The following HS6ST2 variants were observed in gnomAD, a reference collection of about 807,000 sequenced individuals.
HS6ST2 encodes the protein heparan-sulfate 6-O-sulfotransferase 2.
HS6ST2 carries 17 observed loss-of-function variants against 33.0 expected under a neutral mutation model. The observed-to-expected ratio is 0.52, with a 90% CI of 0.35 to 0.77. HS6ST2 has a LOEUF of 0.77. HS6ST2 is among the 30% of genes least tolerant of loss of function. HS6ST2 has a pLI of 0.01. For synonymous variants in HS6ST2, 248 were observed against 237.1 expected (o/e 1.05, Z -0.42); for missense variants, 519 against 551.7 (o/e 0.94, Z 0.59).
chrX:132,914,595 G>T (rs1342784470), intron 2 of HS6ST2, among the ~76,000 whole-genome samples: 2 of 112,332 alleles, frequency 1.8e-5, no homozygotes, highest in Non-Finnish European at 3.8e-5. Context: ...TCTGTAGATG[G>T]AAACTTTCTA....
At position 132,679,752 on chromosome X, in the gene HS6ST2, TG is replaced by T. The variant is rs1338768098; in HGVS notation, c.981-10554del. Among the ~76,000 whole-genome samples, 25 of 105,236 alleles carry T rather than the reference TG, an allele frequency of 2.4e-4. No homozygotes were observed. In the South Asian group the frequency reaches 4.4e-3, roughly 19 times the overall value. The allele number at this position is 105,236 out of a possible 115,157, so 91.4% of individuals were successfully genotyped here. On this transcript the variant is annotated intron_variant, in intron 3 of 4. Transcript: ENST00000370833. ...CTCGACCATAGAAGACAACCACGCC[TG>T]GGGGGGGGCCAGTTCAGAGACCCAC...
chrX:132,864,761 C>A (rs1349895185), intron 2 of HS6ST2, among the ~76,000 whole-genome samples: 1 of 109,902 alleles, frequency 9.1e-6, no homozygotes, highest in Non-Finnish European at 1.9e-5. Context: ...CAGAGAACAC[C>A]ACAAAGATAC....
At chrX:132,776,104 G>A (rs2064955622) in intron 2 of HS6ST2, among the ~76,000 whole-genome samples, 1 of 111,882 alleles carries the variant, frequency 8.9e-6, no homozygotes, top group South Asian at 3.8e-4. Context: ...TGCAACAATT[G>A]TATGATCATG....
intron 3 of HS6ST2, among the ~76,000 whole-genome samples, chrX:132,686,127 C>T (rs1389266536): frequency 8.9e-6 from 1 of 112,142 alleles, no homozygotes; most frequent in East Asian, 2.8e-4. Flanking sequence ...TGGTCTTTCA[C>T]TGACTTCTTT....
intron 2 of HS6ST2, among the ~76,000 whole-genome samples, chrX:132,744,904 T>C (rs1180047526): frequency 1.8e-5 from 2 of 112,140 alleles, no homozygotes; most frequent in Non-Finnish European, 1.9e-5. Context: ...TATACTATTA[T>C]GAATGTACTT....
chrX:132,679,658 T>C (rs2063952706), intron 3 of HS6ST2, among the ~76,000 whole-genome samples: 1 of 109,423 alleles, frequency 9.1e-6, no homozygotes, highest in South Asian at 4.1e-4. Context: ...ATTTATTAGG[T>C]GGGAATTTCC....
At chrX:132,803,121 T>G (rs776329687) in intron 2 of HS6ST2, among the ~76,000 whole-genome samples, 2 of 111,485 alleles carry the variant, frequency 1.8e-5, no homozygotes, top group Non-Finnish European at 3.8e-5. Flanking sequence ...GATCCGAGGC[T>G]CTCTACTTGG....
intron 2 of HS6ST2, among the ~76,000 whole-genome samples, chrX:132,874,531 A>T (rs777217860): frequency 9.0e-6 from 1 of 111,678 alleles, no homozygotes; most frequent in South Asian, 3.8e-4. Flanking sequence ...AGTGGAGATC[A>T]TGCCACTGCA....
intron 4 of HS6ST2, among the ~76,000 whole-genome samples, chrX:132,637,391 C>G (rs2063556303): frequency 9.0e-6 from 1 of 110,579 alleles, no homozygotes; most frequent in East Asian, 2.8e-4. Flanking sequence ...GATGCAAGCC[C>G]TATCTTCTCT....
chrX:132,723,268 T>C (rs1370015604), intron 2 of HS6ST2, among the ~76,000 whole-genome samples: 11 of 111,463 alleles, frequency 9.9e-5, no homozygotes, highest in African/African-American at 3.3e-4. Flanking sequence ...CTAATACCAA[T>C]CCTACTCAAA....
At chrX:132,938,470 A>C (rs1402388028) in intron 2 of HS6ST2, among the ~76,000 whole-genome samples, 1 of 110,084 alleles carries the variant, frequency 9.1e-6, no homozygotes, top group African/African-American at 3.3e-5. Flanking sequence ...GCAAGACCCC[A>C]TCTCTACACA....
chrX:132,864,048 G>T (rs752024601), intron 2 of HS6ST2, among the ~76,000 whole-genome samples: 2 of 110,860 alleles, frequency 1.8e-5, no homozygotes, highest in Non-Finnish European at 3.8e-5. Flanking sequence ...GAAAAGAATA[G>T]CATCAACATC....
At chrX:132,657,263 C>T (rs1466180230) in intron 4 of HS6ST2, among the ~76,000 whole-genome samples, 1 of 111,355 alleles carries the variant, frequency 9.0e-6, no homozygotes, top group Non-Finnish European at 1.9e-5. Flanking sequence ...GGAATAGAAA[C>T]CCAGATAATC....
At chrX:132,882,837 G>T (rs1413527766) in intron 2 of HS6ST2, among the ~76,000 whole-genome samples, 4 of 111,355 alleles carry the variant, frequency 3.6e-5, no homozygotes, top group Non-Finnish European at 7.5e-5. Flanking sequence ...TAGCATGAAG[G>T]GCTGTTGAAT....
intron 2 of HS6ST2, among the ~76,000 whole-genome samples, chrX:132,774,866 A>G (rs1345931291): frequency 1.8e-5 from 2 of 110,180 alleles, no homozygotes; most frequent in African/African-American, 6.6e-5. Context: ...GTTTTAGTAG[A>G]GATGGGGTTT....
At chrX:132,693,107 C>A (rs747048791) in intron 3 of HS6ST2, among the ~76,000 whole-genome samples, 35 of 112,236 alleles carry the variant, frequency 3.1e-4, no homozygotes, top group African/African-American at 1.1e-3. Context: ...ATTTTCCCTC[C>A]CACATAGGTA....
chrX:132,891,800 G>C (rs1239716551), intron 2 of HS6ST2, among the ~76,000 whole-genome samples: 1 of 111,772 alleles, frequency 8.9e-6, no homozygotes, highest in Non-Finnish European at 1.9e-5. Flanking sequence ...GGACATTTGG[G>C]TTGGTTCCAA....
intron 4 of HS6ST2, among the ~76,000 whole-genome samples, chrX:132,662,428 C>T (rs2063780816): frequency 8.9e-6 from 1 of 112,335 alleles, no homozygotes; most frequent in Non-Finnish European, 1.9e-5. Context: ...GAACCCTGAG[C>T]TCTGCTAGAG....
chrX:132,802,585 G>GAA (rs2065244670), intron 2 of HS6ST2, among the ~76,000 whole-genome samples: 1 of 111,041 alleles, frequency 9.0e-6, no homozygotes, highest in African/African-American at 3.3e-5. Context: ...GATGACTCGT[G>GAA]GCTAAACTTC....
Sources: gnomAD v4.1 joint callset for allele counts (sites outside exome capture counted in the v4.1 genomes callset) on GRCh38, gnomAD v4.1.1 for gene constraint, MANE v1.5 for transcripts, NCBI Gene and HGNC (gene_info 2026-07-23, HGNC 2026-07-21) for gene names.